The following RBFOX1 variants were observed in gnomAD, a reference collection of about 807,000 sequenced individuals.
RBFOX1 encodes the protein RNA binding fox-1 homolog 1, also known as RNA binding protein fox-1 homolog 1.
In RBFOX1, 8 loss-of-function variants were observed where a neutral mutation model predicts 57.7. The observed-to-expected ratio is 0.14, with a 90% CI of 0.08 to 0.25. The LOEUF (loss-of-function observed/expected upper bound fraction) is 0.25. Ranked by LOEUF, RBFOX1 falls within the 10% of genes least tolerant of loss-of-function variation. The pLI is 1.00. For synonymous variants in RBFOX1, 326 were observed against 222.4 expected (o/e 1.47, Z -4.15); for missense variants, 611 against 548.5 (o/e 1.11, Z -1.14).
chr16:7,663,941 G>A (rs1340263910), intron 12 of RBFOX1, among the ~76,000 whole-genome samples: 1 of 152,132 alleles, frequency 6.6e-6, no homozygotes, highest in Non-Finnish European at 1.5e-5. Context: ...AAAAGCTTCT[G>A]GGGAATCATT....
chr16:6,062,049 G>A (rs59520809), intron 1 of RBFOX1, among the ~76,000 whole-genome samples: 11,825 of 152,092 alleles, frequency 0.078, 595 homozygotes, highest in African/African-American at 0.13. Context: ...ACTGACGTGC[G>A]TTTACTGGTT....
chr16:6,996,968 G>C (rs1404466200), intron 3 of RBFOX1, among the ~76,000 whole-genome samples: 1 of 152,056 alleles, frequency 6.6e-6, no homozygotes, highest in African/African-American at 2.4e-5. Flanking sequence ...AAAGTTTATA[G>C]GCAGCATTGA....
intron 7 of RBFOX1, among the ~76,000 whole-genome samples, chr16:7,591,287 G>C (rs2152922722): frequency 6.6e-6 from 1 of 152,236 alleles, no homozygotes; most frequent in Admixed American, 6.5e-5. Flanking sequence ...CTCATCAACA[G>C]CTCCCCTCTT....
At chr16:7,682,649 T>G (rs1043666424) in intron 14 of RBFOX1, among the ~76,000 whole-genome samples, 1 of 151,662 alleles carries the variant, frequency 6.6e-6, no homozygotes, top group African/African-American at 2.4e-5. Flanking sequence ...GTAATAAGAA[T>G]GTAGCAGAAA....
intron 4 of RBFOX1, among the ~76,000 whole-genome samples, chr16:7,334,342 T>C (rs1603623843): frequency 6.6e-6 from 1 of 152,118 alleles, no homozygotes; most frequent in African/African-American, 2.4e-5. Flanking sequence ...TCTTCCCTGG[T>C]ATACACAGGC....
At chr16:7,100,616 C>T (rs1380706012) in intron 4 of RBFOX1, among the ~76,000 whole-genome samples, 4 of 142,186 alleles carry the variant, frequency 2.8e-5, no homozygotes, top group African/African-American at 1.1e-4. Context: ...CTTATTTACC[C>T]ATTTGCCTAC....
chr16:6,979,006 C>G (rs1347490397), intron 3 of RBFOX1, among the ~76,000 whole-genome samples: 1 of 152,136 alleles, frequency 6.6e-6, no homozygotes, highest in Non-Finnish European at 1.5e-5. Context: ...TTTCTGACAT[C>G]CAGATACAAC....
chr16:7,199,481 T>C (rs544799078), intron 4 of RBFOX1, among the ~76,000 whole-genome samples: 21 of 152,306 alleles, frequency 1.4e-4, no homozygotes, highest in African/African-American at 5.1e-4. Flanking sequence ...GCCTGAAGGT[T>C]TGGAAGTTTT....
intron 1 of RBFOX1, among the ~76,000 whole-genome samples, chr16:6,253,866 C>T (rs2097643524): frequency 6.6e-6 from 1 of 152,070 alleles, no homozygotes. Flanking sequence ...ATTGGTATTC[C>T]TCTTTGGAGC....
At chr16:7,652,004 T>C (rs2065160815) in intron 11 of RBFOX1, among the ~76,000 whole-genome samples, 1 of 151,382 alleles carries the variant, frequency 6.6e-6, no homozygotes, top group African/African-American at 2.4e-5. Context: ...TGAGTTAGGA[T>C]TTGCATGAGA....
chr16:7,634,861 G>A (rs1382300175), intron 11 of RBFOX1, among the ~76,000 whole-genome samples: 1 of 152,160 alleles, frequency 6.6e-6, no homozygotes, highest in Non-Finnish European at 1.5e-5. Context: ...CTTAAATGAA[G>A]AAAGAACAAA....
intron 4 of RBFOX1, among the ~76,000 whole-genome samples, chr16:7,132,612 A>C (rs1335579574): frequency 6.6e-6 from 1 of 152,152 alleles, no homozygotes; most frequent in Non-Finnish European, 1.5e-5. Flanking sequence ...AGCTGAAAAA[A>C]AAAAACCACA....
intron 3 of RBFOX1, among the ~76,000 whole-genome samples, chr16:6,787,480 C>A (rs1162186929): frequency 6.6e-6 from 1 of 152,084 alleles, no homozygotes; most frequent in Admixed American, 6.6e-5. Context: ...TGGAGTCTCC[C>A]TGTGGTTAAG....
intron 1 of RBFOX1, among the ~76,000 whole-genome samples, chr16:6,301,143 G>A (rs1331924934): frequency 1.3e-5 from 2 of 151,784 alleles, no homozygotes; most frequent in African/African-American, 4.8e-5. Context: ...TTTTTTCTTT[G>A]CTTCTTTAAA....
intron 4 of RBFOX1, among the ~76,000 whole-genome samples, chr16:7,181,215 G>T (rs553197595): frequency 6.6e-6 from 1 of 152,016 alleles, no homozygotes; most frequent in South Asian, 2.1e-4. Flanking sequence ...CTCTCTAGAT[G>T]TTAAATAGGG....
At chr16:6,413,495 CA>C (rs1196673696) in intron 2 of RBFOX1, among the ~76,000 whole-genome samples, 22 of 152,026 alleles carry the variant, frequency 1.4e-4, no homozygotes, top group Admixed American at 1.4e-3. Flanking sequence ...ATGGTTAGGA[CA>C]GTGAAATTTT....
intron 4 of RBFOX1, among the ~76,000 whole-genome samples, chr16:7,273,515 C>G (rs1043560130): frequency 6.6e-6 from 1 of 152,094 alleles, no homozygotes; most frequent in Non-Finnish European, 1.5e-5. Flanking sequence ...CCAGCTTTAG[C>G]ATATATAAGC....
intron 4 of RBFOX1, among the ~76,000 whole-genome samples, chr16:7,333,479 T>C (rs1439452145): frequency 1.3e-5 from 2 of 152,092 alleles, no homozygotes; most frequent in African/African-American, 2.4e-5. Flanking sequence ...ACCCAGGAAA[T>C]GAAAGGAGCA....
intron 2 of RBFOX1, among the ~76,000 whole-genome samples, chr16:5,562,231 G>C (rs1260378220): frequency 6.6e-6 from 1 of 152,182 alleles, no homozygotes; most frequent in Non-Finnish European, 1.5e-5. Context: ...ACCATCCGTG[G>C]CAAAGTGTGG....
Sources: gnomAD v4.1 joint callset for allele counts (sites outside exome capture counted in the v4.1 genomes callset) on GRCh38, gnomAD v4.1.1 for gene constraint, MANE v1.5 for transcripts, NCBI Gene and HGNC (gene_info 2026-07-23, HGNC 2026-07-21) for gene names.